DLG2: variants seen among roughly 807,000 people sequenced by gnomAD.
DLG2 encodes discs large MAGUK scaffold protein 2.
A neutral mutation model predicts 132.5 loss-of-function variants in DLG2; 45 were observed. The ratio of observed to expected loss-of-function variants is 0.34; its 90% CI spans 0.27 to 0.44. The LOEUF is 0.44. Ranked by LOEUF, DLG2 falls within the 20% of genes least tolerant of loss-of-function variation. The pLI, the probability that DLG2 is intolerant of heterozygous loss-of-function variation, is 1.00. For missense variants in DLG2, 1,045 were observed against 1,196.9 expected, an observed-to-expected ratio of 0.87 and a Z score of 1.87; for synonymous variants, 424 against 419.6, an observed-to-expected ratio of 1.01 and a Z score of -0.13.
At chr11:84,507,957 T>C (rs2099246349) in intron 7 of DLG2, among the ~76,000 whole-genome samples, 1 of 152,248 alleles carries the variant, frequency 6.6e-6, no homozygotes, top group Non-Finnish European at 1.5e-5. Flanking sequence ...TTTTCTGCTC[T>C]AGTTTATGCT....
chr11:84,328,960 AGGATGAT>A (rs1383507488), intron 7 of DLG2, among the ~76,000 whole-genome samples: 1 of 152,230 alleles, frequency 6.6e-6, no homozygotes, highest in East Asian at 1.9e-4. Flanking sequence ...AACTATGCTA[AGGATGAT>A]GTAGTGAACT....
chr11:83,795,418 T>A (rs555115160), intron 17 of DLG2, among the ~76,000 whole-genome samples: 3,033 of 143,884 alleles, frequency 0.021, 99 homozygotes, highest in African/African-American at 0.075. Flanking sequence ...AGAAAAAAAA[T>A]ATCTATATCT....
At position 85,509,096 on chromosome 11, in the gene DLG2, G is replaced by A. The variant is rs373374479; in HGVS notation, c.40+89561C>T. 6.5e-4 allele frequency among the ~76,000 whole-genome samples: 99 copies of A among 152,118 alleles called. 1 individual carries two copies. The South Asian group carries it at 0.02, about 31-fold the overall frequency. ...TTTACTACATATTACTGATTTTGAA[G>A]CTCATGATTTCACTTACACAGAAAA... On this transcript the variant is annotated intron_variant, in intron 3 of 27. Coordinates refer to ENST00000376104, the MANE Select transcript of DLG2 (RefSeq NM_001142699.3).
At chr11:83,477,213 G>T (rs1389016683) in intron 22 of DLG2, among the ~76,000 whole-genome samples, 1 of 152,064 alleles carries the variant, frequency 6.6e-6, no homozygotes, top group Non-Finnish European at 1.5e-5. Context: ...TACTTGCCTA[G>T]TATTTACCAC....
chr11:84,177,578 T>TA (rs2096005286), intron 8 of DLG2, among the ~76,000 whole-genome samples: 1 of 152,172 alleles, frequency 6.6e-6, no homozygotes, highest in African/African-American at 2.4e-5. Context: ...TACTTATACT[T>TA]ACTTCAATAA....
At chr11:84,409,518 A>T (rs2098886784) in intron 7 of DLG2, among the ~76,000 whole-genome samples, 1 of 152,250 alleles carries the variant, frequency 6.6e-6, no homozygotes, top group Non-Finnish European at 1.5e-5. Context: ...TGTTGCACAC[A>T]TTCAATACAA....
intron 7 of DLG2, among the ~76,000 whole-genome samples, chr11:84,266,825 T>C (rs538115867): frequency 2.9e-4 from 44 of 152,322 alleles, no homozygotes; most frequent in African/African-American, 1.0e-3. Flanking sequence ...TATCGTTTCA[T>C]TGTTGCCTAA....
intron 4 of DLG2, among the ~76,000 whole-genome samples, chr11:85,284,001 A>G (rs1024330032): frequency 5.3e-5 from 8 of 151,982 alleles, no homozygotes; most frequent in Non-Finnish European, 1.2e-4. Flanking sequence ...TAAGTTCCAA[A>G]TCATGGAATA....
chr11:84,961,927 T>C (rs1018517191), intron 6 of DLG2, among the ~76,000 whole-genome samples: 3 of 152,288 alleles, frequency 2.0e-5, no homozygotes, highest in African/African-American at 7.2e-5. Flanking sequence ...AATCCCTCCT[T>C]AGCCCCACCC....
chr11:85,339,427 G>T (rs901941505), intron 3 of DLG2, among the ~76,000 whole-genome samples: 1 of 152,060 alleles, frequency 6.6e-6, no homozygotes, highest in Admixed American at 6.5e-5. Flanking sequence ...TTTTTACTAG[G>T]TATTGTCCAT....
At chr11:83,619,031 T>C (rs570240328) in intron 19 of DLG2, among the ~76,000 whole-genome samples, 2 of 152,172 alleles carry the variant, frequency 1.3e-5, no homozygotes, top group African/African-American at 2.4e-5. Context: ...TTATAATTAA[T>C]ACTCACTGAA....
chr11:84,882,859 A>C (rs949607395), intron 6 of DLG2, among the ~76,000 whole-genome samples: 1 of 152,056 alleles, frequency 6.6e-6, no homozygotes, highest in African/African-American at 2.4e-5. Context: ...AAGATGATGA[A>C]AGTTTTAGAG....
intron 6 of DLG2, among the ~76,000 whole-genome samples, chr11:84,966,949 A>G (rs2053433080): frequency 6.6e-6 from 1 of 152,132 alleles, no homozygotes; most frequent in Admixed American, 6.6e-5. Flanking sequence ...ATAGAAAAAT[A>G]GAAGCGAGAA....
At chr11:83,838,720 T>C (rs2056850329) in intron 16 of DLG2, among the ~76,000 whole-genome samples, 1 of 152,074 alleles carries the variant, frequency 6.6e-6, no homozygotes, top group Non-Finnish European at 1.5e-5. Context: ...AGAATGGGCT[T>C]CTTTAGAAGG....
At chr11:85,080,850 G>T (rs2154171603) in intron 6 of DLG2, among the ~76,000 whole-genome samples, 1 of 152,210 alleles carries the variant, frequency 6.6e-6, no homozygotes, top group East Asian at 1.9e-4. Context: ...ACCTTGGGGT[G>T]ATTAATTTTT....
intron 9 of DLG2, among the ~76,000 whole-genome samples, chr11:84,116,608 T>C (rs908354125): frequency 3.3e-5 from 5 of 152,106 alleles, no homozygotes; most frequent in African/African-American, 1.2e-4. Context: ...ATGATTCAAT[T>C]ACCTCCCACT....
chr11:83,928,722 G>T (rs151276831), intron 15 of DLG2, among the ~76,000 whole-genome samples: 2 of 151,994 alleles, frequency 1.3e-5, no homozygotes, highest in African/African-American at 2.4e-5. Flanking sequence ...ATCAAGTCTC[G>T]ATTTTCTCAT....
At chr11:84,868,130 TTAA>T (rs2084906835) in intron 6 of DLG2, among the ~76,000 whole-genome samples, 1 of 147,728 alleles carries the variant, frequency 6.8e-6, no homozygotes, top group South Asian at 2.1e-4. Flanking sequence ...ATTATATTTA[TTAA>T]TATTTTATTA....
rs536697120 is a variant in DLG2 at position 83,537,425 on chromosome 11, G to T, written c.2117+4257C>A. Among the ~76,000 whole-genome samples, 3 of 152,234 alleles carry T rather than the reference G, an allele frequency of 2.0e-5. 1 individual carries two copies. The South Asian group carries it at 6.2e-4, about 32-fold the overall frequency. On this transcript the variant is annotated intron_variant, in intron 20 of 27. Coordinates refer to ENST00000376104, the MANE Select transcript of DLG2 (RefSeq NM_001142699.3). ...GCCACAGGCTTGCTGTGACAGCTAG[G>T]TGAGTAAACTCTTATATAATGCCAG...
Sources: gnomAD v4.1 joint callset for allele counts (sites outside exome capture counted in the v4.1 genomes callset) on GRCh38, gnomAD v4.1.1 for gene constraint, MANE v1.5 for transcripts, NCBI Gene and HGNC (gene_info 2026-07-23, HGNC 2026-07-21) for gene names.